TCF12: variants seen among roughly 807,000 people sequenced by gnomAD.
TCF12 encodes transcription factor 12.
A neutral mutation model predicts 86.0 loss-of-function variants in TCF12; 45 were observed. The ratio of observed to expected loss-of-function variants is 0.52; its 90% CI spans 0.41 to 0.67. TCF12 has a LOEUF of 0.67. Ranked by LOEUF, TCF12 falls within the 30% of genes least tolerant of loss-of-function variation. The pLI is 0.00. For missense variants in TCF12, 881 were observed against 859.9 expected (o/e 1.02, Z -0.31); for synonymous variants, 330 against 299.6 (o/e 1.10, Z -1.05).
chr15:57,170,780 TA>T (rs2055410600), intron 6 of TCF12, among the ~76,000 whole-genome samples: 2 of 2,832 alleles, frequency 7.1e-4, no homozygotes, highest in Non-Finnish European at 1.9e-3. Flanking sequence ...TTATATATAA[TA>T]TATATATATA....
At chr15:57,219,989 A>G (rs2615221) in intron 8 of TCF12, among the ~76,000 whole-genome samples, 152,165 of 152,266 alleles carry the variant, frequency 1, 76,032 homozygotes, top group Middle Eastern at 1. Context: ...GCCTCCCAAA[A>G]TGCTGGAATT....
chr15:57,242,215 A>G (rs1172338495), intron 12 of TCF12, among the ~76,000 whole-genome samples: 1 of 152,162 alleles, frequency 6.6e-6, no homozygotes, highest in Non-Finnish European at 1.5e-5. Context: ...GACTTTTTGC[A>G]CTCACAAGTA....
At chr15:57,095,310 A>G (rs2049250502) in intron 5 of TCF12, among the ~76,000 whole-genome samples, 1 of 152,094 alleles carries the variant, frequency 6.6e-6, no homozygotes, top group Admixed American at 6.6e-5. Flanking sequence ...GCTCTGGTCC[A>G]TTTCTCCACC....
Position 57,171,101 on chromosome 15 carries a change from T to C in TCF12, c.390+4635T>C, listed in dbSNP as rs934591082. Among the ~76,000 whole-genome samples the C allele has an allele frequency of 9.9e-5, 15 of 151,750 alleles. No individual in the cohort carries two copies. In the East Asian group the frequency reaches 2.9e-3, roughly 29 times the overall value. On this transcript the variant is annotated intron_variant, in intron 6 of 20. Transcript: ENST00000333725. Reference sequence around the variant, plus strand: ...TATATGATTACTGTTTAGCAAACAGTTTATAAACATTTTGGAGAGATCAGG... The same window carrying C: ...TATATGATTACTGTTTAGCAAACAGCTTATAAACATTTTGGAGAGATCAGG...
At chr15:57,092,408 G>A (rs2049048614) in intron 5 of TCF12, among the ~76,000 whole-genome samples, 1 of 152,158 alleles carries the variant, frequency 6.6e-6, no homozygotes. Flanking sequence ...TTGGTTTGAA[G>A]AAGTGAAGTT....
intron 3 of TCF12, among the ~76,000 whole-genome samples, chr15:56,958,762 A>G (rs2061612299): frequency 6.6e-6 from 1 of 151,556 alleles, no homozygotes; most frequent in South Asian, 2.1e-4. Flanking sequence ...CTGTAATCCC[A>G]CCACTTTGGG....
intron 5 of TCF12, among the ~76,000 whole-genome samples, chr15:57,097,869 G>T (rs1289520678): frequency 6.6e-6 from 1 of 151,998 alleles, no homozygotes; most frequent in East Asian, 1.9e-4. Flanking sequence ...TTGAAACATG[G>T]CCCTGGCCAG....
rs535876054 is a variant in TCF12 at position 57,167,841 on chromosome 15, C to T, written c.390+1375C>T. Among the ~76,000 whole-genome samples the T allele has an allele frequency of 2.0e-5, 3 of 152,174 alleles. No individual in the cohort carries two copies. In the East Asian group the frequency reaches 5.8e-4, roughly 29 times the overall value. On this transcript the variant is annotated intron_variant, in intron 6 of 20. Transcript: ENST00000333725. ...AGTTTTAGTGTTGTTAATGATTGCT[C>T]TATTTTCCGTTTATGGTTAGCTTTA...
At chr15:57,089,363 G>C (rs557578618) in intron 4 of TCF12, among the ~76,000 whole-genome samples, 1 of 152,188 alleles carries the variant, frequency 6.6e-6, no homozygotes, top group Non-Finnish European at 1.5e-5. Context: ...TCCAACTCTT[G>C]CTTGTATTTG....
intron 5 of TCF12, among the ~76,000 whole-genome samples, chr15:57,115,162 A>G (rs1365956388): frequency 1.3e-5 from 2 of 152,218 alleles, no homozygotes; most frequent in African/African-American, 4.8e-5. Flanking sequence ...ATGGTTATCC[A>G]CCCTTTAACT....
chr15:56,993,291 G>A (rs2063542271), intron 3 of TCF12, among the ~76,000 whole-genome samples: 1 of 152,098 alleles, frequency 6.6e-6, no homozygotes, highest in African/African-American at 2.4e-5. Context: ...CCAAGCAACC[G>A]TGTGGTAATG....
chr15:56,951,846 C>T (rs1042552480), intron 3 of TCF12, among the ~76,000 whole-genome samples: 15 of 152,080 alleles, frequency 9.9e-5, no homozygotes, highest in Middle Eastern at 3.2e-3. Context: ...TGGGGTCTTG[C>T]CATGTTGCCC....
chr15:56,977,727 T>C (rs187534992), intron 3 of TCF12, among the ~76,000 whole-genome samples: 1 of 152,196 alleles, frequency 6.6e-6, no homozygotes, highest in African/African-American at 2.4e-5. Flanking sequence ...TTTTTGGCAA[T>C]TGAGTATTGG....
At position 57,109,916 on chromosome 15, in the gene TCF12, C is replaced by T. The variant is rs535943566; in HGVS notation, c.325+18025C>T. On this transcript the variant is annotated intron_variant, in intron 5 of 20. Transcript: ENST00000333725. ...TAATTTGTGAGGGAACAAATTAAAG[C>T]GGTTAGAATTGCTGTGGAGCTGTAT... is the stretch of plus-strand genomic sequence containing the variant. 1.1e-4 allele frequency among the ~76,000 whole-genome samples: 17 copies of T among 152,064 alleles called. No individual in the cohort carries two copies. In the East Asian group the frequency reaches 2.9e-3, roughly 26 times the overall value.
chr15:57,198,962 A>T (rs911488826), intron 8 of TCF12, among the ~76,000 whole-genome samples: 14 of 152,100 alleles, frequency 9.2e-5, no homozygotes, highest in African/African-American at 3.4e-4. Flanking sequence ...TGCCTTCTCT[A>T]CCGTGTGATA....
chr15:57,288,366 G>A lies in TCF12; in HGVS notation c.*2221G>A, dbSNP rs2061999587. 1 of 152,560 alleles carries A rather than the reference G, an allele frequency of 6.6e-6. No individual in the cohort carries two copies. The highest frequency in any genetic ancestry group is 1.5e-5 in the Non-Finnish European group (1 of 68,026). 9.5% of individuals were successfully genotyped at this position (152,560 alleles called of 1,614,324 possible). Reference sequence around the variant, plus strand: ...TCCATTGTTGGTTTATTGCAGATTTGTATCCTGTGTCAAATTCAAGGTATT... The same window carrying A: ...TCCATTGTTGGTTTATTGCAGATTTATATCCTGTGTCAAATTCAAGGTATT... On this transcript the variant is annotated 3_prime_UTR_variant, in exon 21 of 21. Coordinates refer to ENST00000333725, the MANE Select transcript of TCF12 (RefSeq NM_207037.2).
intron 8 of TCF12, among the ~76,000 whole-genome samples, chr15:57,219,861 G>C (rs1340070645): frequency 6.6e-6 from 1 of 151,848 alleles, no homozygotes; most frequent in Non-Finnish European, 1.5e-5. Flanking sequence ...GAGTAGCTGG[G>C]ATTACAGGCA....
At chr15:56,982,563 C>G (rs576783695) in intron 3 of TCF12, among the ~76,000 whole-genome samples, 1 of 152,244 alleles carries the variant, frequency 6.6e-6, no homozygotes, top group East Asian at 1.9e-4. Context: ...GCAGAATTAA[C>G]CTTAGTAACT....
intron 3 of TCF12, among the ~76,000 whole-genome samples, chr15:56,941,682 C>T (rs981588900): frequency 2.9e-5 from 4 of 138,698 alleles, no homozygotes; most frequent in Non-Finnish European, 4.8e-5. Flanking sequence ...TCTTCTTCTT[C>T]TTCTTTTTTT....
Sources: allele counts gnomAD v4.1 joint callset (sites outside exome capture counted in the v4.1 genomes callset), GRCh38; gene constraint gnomAD v4.1.1; transcripts MANE v1.5; gene names NCBI Gene and HGNC (gene_info 2026-07-23, HGNC 2026-07-21).